The following NTM variants were observed in gnomAD, a reference collection of about 807,000 sequenced individuals.
NTM encodes the protein IgLON family member 2.
NTM carries 13 observed loss-of-function variants against 42.1 expected under a neutral mutation model. The observed-to-expected ratio is 0.31, with a 90% CI of 0.20 to 0.49. The LOEUF (loss-of-function observed/expected upper bound fraction) is 0.49, where lower values mean the gene tolerates loss of function less well. Ranked by LOEUF, NTM falls within the 20% of genes least tolerant of loss-of-function variation. NTM has a pLI of 0.99. For synonymous variants in NTM, 187 were observed against 179.2 expected, an observed-to-expected ratio of 1.04 and a Z score of -0.35; for missense variants, 373 against 452.8, an observed-to-expected ratio of 0.82 and a Z score of 1.60.
At chr11:131,993,316 T>G (rs371417206) in intron 2 of NTM, among the ~76,000 whole-genome samples, 28 of 152,054 alleles carry the variant, frequency 1.8e-4, no homozygotes, top group African/African-American at 6.0e-4. Flanking sequence ...ATCGGGAAGG[T>G]GGAGTAGGCA....
intron 4 of NTM, among the ~76,000 whole-genome samples, chr11:132,286,925 T>C (rs2094261875): frequency 6.6e-6 from 1 of 152,268 alleles, no homozygotes; most frequent in Non-Finnish European, 1.5e-5. Flanking sequence ...TCTTTGAAGA[T>C]GCTTTTCTTC....
intron 4 of NTM, among the ~76,000 whole-genome samples, chr11:132,225,210 A>G (rs2085960586): frequency 2.0e-5 from 3 of 152,210 alleles, no homozygotes; most frequent in Admixed American, 6.5e-5. Flanking sequence ...TGGTGAATTC[A>G]GCCTTTGCCT....
chr11:131,636,865 C>A (rs1219457427), intron 1 of NTM, among the ~76,000 whole-genome samples: 3 of 152,190 alleles, frequency 2.0e-5, no homozygotes, highest in Admixed American at 1.3e-4. Flanking sequence ...TTAGCTTTCT[C>A]CTTAACTCCT....
chr11:132,321,527 G>A (rs1055083172), intron 7 of NTM, among the ~76,000 whole-genome samples: 2 of 152,206 alleles, frequency 1.3e-5, no homozygotes, highest in Non-Finnish European at 2.9e-5. Context: ...ATGGGACTAT[G>A]TGAAAAGACC....
chr11:131,446,460 CTCTT>C (rs1950063844), intron 1 of NTM, among the ~76,000 whole-genome samples: 2 of 152,156 alleles, frequency 1.3e-5, no homozygotes. Context: ...ACTCTGTTCT[CTCTT>C]TCTTCTGTGA....
At chr11:132,087,973 G>T (rs182207348) in intron 2 of NTM, among the ~76,000 whole-genome samples, 1 of 152,278 alleles carries the variant, frequency 6.6e-6, no homozygotes, top group East Asian at 1.9e-4. Context: ...ATTGGCTGTG[G>T]CTCATTCCCA....
chr11:132,183,254 G>C (rs987351584), intron 3 of NTM, among the ~76,000 whole-genome samples: 1 of 152,148 alleles, frequency 6.6e-6, no homozygotes, highest in African/African-American at 2.4e-5. Context: ...GAAACCTGGA[G>C]AGGCATGCCC....
At chr11:131,680,422 T>C (rs2072287777) in intron 1 of NTM, among the ~76,000 whole-genome samples, 1 of 148,760 alleles carries the variant, frequency 6.7e-6, no homozygotes, top group Non-Finnish European at 1.5e-5. Flanking sequence ...CATGTGTGCC[T>C]CTGTGTCTGT....
chr11:132,233,557 G>A (rs1162076854), intron 4 of NTM, among the ~76,000 whole-genome samples: 1 of 152,142 alleles, frequency 6.6e-6, no homozygotes, highest in Non-Finnish European at 1.5e-5. Flanking sequence ...CATATTTCAT[G>A]ACTTGTGCAA....
At chr11:131,419,569 A>T (rs906616653) in intron 1 of NTM, among the ~76,000 whole-genome samples, 6 of 152,140 alleles carry the variant, frequency 3.9e-5, no homozygotes, top group African/African-American at 1.4e-4. Context: ...ATAGCTCAGC[A>T]TGTTTCAAGG....
At chr11:132,225,763 C>G (rs1331666895) in intron 4 of NTM, among the ~76,000 whole-genome samples, 1 of 151,888 alleles carries the variant, frequency 6.6e-6, no homozygotes, top group Non-Finnish European at 1.5e-5. Flanking sequence ...GCAGAAAGTG[C>G]AGGTTTGTTA....
chr11:131,749,667 C>T (rs1233275806), intron 1 of NTM, among the ~76,000 whole-genome samples: 2 of 152,120 alleles, frequency 1.3e-5, no homozygotes, highest in East Asian at 1.9e-4. Flanking sequence ...GGCATGGTCT[C>T]AGCTCACTGC....
At chr11:131,617,118 T>TGTC (rs1312049718) in intron 1 of NTM, among the ~76,000 whole-genome samples, 1 of 152,068 alleles carries the variant, frequency 6.6e-6, no homozygotes, top group African/African-American at 2.4e-5. Context: ...AGGCAGACCC[T>TGTC]AGGTGTGCTG....
At chr11:132,200,914 T>G (rs1167820185) in intron 3 of NTM, among the ~76,000 whole-genome samples, 1 of 152,182 alleles carries the variant, frequency 6.6e-6, no homozygotes. Flanking sequence ...ACTTACATAT[T>G]TGTTTACCTG....
intron 4 of NTM, among the ~76,000 whole-genome samples, chr11:132,218,972 A>C (rs2084521538): frequency 6.6e-6 from 1 of 152,096 alleles, no homozygotes; most frequent in Admixed American, 6.5e-5. Context: ...ACCTCTCTGA[A>C]GATGTGCTTC....
At chr11:131,463,557 A>T (rs1951607990) in intron 1 of NTM, among the ~76,000 whole-genome samples, 2 of 152,244 alleles carry the variant, frequency 1.3e-5, no homozygotes, top group African/African-American at 2.4e-5. Context: ...TAGTATTATT[A>T]TTTAATGTAT....
chr11:131,560,105 C>T (rs144953367), intron 1 of NTM, among the ~76,000 whole-genome samples: 2,128 of 152,360 alleles, frequency 0.014, 23 homozygotes, highest in Non-Finnish European at 0.021. Flanking sequence ...TGCTGCCCCA[C>T]GTGTCTTCAG....
chr11:131,889,592 T>C (rs530986186), intron 1 of NTM, among the ~76,000 whole-genome samples: 38 of 152,352 alleles, frequency 2.5e-4, no homozygotes, highest in African/African-American at 8.4e-4. Context: ...AGGGTTTGTT[T>C]CAGGACTTCC....
chr11:132,021,281 A>G (rs1309008816), intron 2 of NTM, among the ~76,000 whole-genome samples: 4 of 151,956 alleles, frequency 2.6e-5, no homozygotes, highest in South Asian at 2.1e-4. Flanking sequence ...TTGTTGTCAT[A>G]TATTCCTTTA....
Sources: gnomAD v4.1 joint callset for allele counts (sites outside exome capture counted in the v4.1 genomes callset) on GRCh38, gnomAD v4.1.1 for gene constraint, MANE v1.5 for transcripts, NCBI Gene and HGNC (gene_info 2026-07-23, HGNC 2026-07-21) for gene names.